KCNK13: variants seen among roughly 807,000 people sequenced by gnomAD.
KCNK13 encodes the protein potassium channel subfamily K member 13.
In KCNK13, 12 loss-of-function variants were observed where a neutral mutation model predicts 23.4. The ratio of observed to expected loss-of-function variants is 0.51; its 90% CI spans 0.33 to 0.83. The LOEUF (loss-of-function observed/expected upper bound fraction) is 0.83, where lower values mean the gene tolerates loss of function less well. Among genes scored for constraint, KCNK13 ranks in the 40% least tolerant of loss-of-function variants. KCNK13 has a pLI of 0.02. For missense variants in KCNK13, 463 were observed against 556.3 expected, an observed-to-expected ratio of 0.83 and a Z score of 1.69; for synonymous variants, 231 against 229.5, an observed-to-expected ratio of 1.01 and a Z score of -0.06.
chr14:90,109,515 TCTC>T (rs2140411490), intron 1 of KCNK13, among the ~76,000 whole-genome samples: 1 of 148,796 alleles, frequency 6.7e-6, no homozygotes, highest in South Asian at 2.2e-4. Flanking sequence ...TTCACGCCAT[TCTC>T]CTGCCTCAGC....
intron 1 of KCNK13, among the ~76,000 whole-genome samples, chr14:90,112,844 G>C (rs1277711629): frequency 6.7e-6 from 1 of 150,044 alleles, no homozygotes; most frequent in East Asian, 1.9e-4. Flanking sequence ...CATTCATATA[G>C]ACAAAAAGTA....
At chr14:90,176,227 T>G (rs780227499) in intron 1 of KCNK13, among the ~76,000 whole-genome samples, 1 of 152,162 alleles carries the variant, frequency 6.6e-6, no homozygotes, top group Non-Finnish European at 1.5e-5. Flanking sequence ...CTCCACAACC[T>G]GTGAAGATTG....
At chr14:90,107,448 G>A (rs779296454) in intron 1 of KCNK13, among the ~76,000 whole-genome samples, 8 of 152,234 alleles carry the variant, frequency 5.3e-5, no homozygotes, top group Admixed American at 1.3e-4. Context: ...ACTGCCCTTC[G>A]GCCTGGGCGA....
chr14:90,078,850 A>T (rs1889174406), intron 1 of KCNK13, among the ~76,000 whole-genome samples: 1 of 152,232 alleles, frequency 6.6e-6, no homozygotes, highest in African/African-American at 2.4e-5. Context: ...CAACAATCCT[A>T]TGAGTTAGAG....
chr14:90,148,658 C>T (rs950201994), intron 1 of KCNK13, among the ~76,000 whole-genome samples: 1 of 152,190 alleles, frequency 6.6e-6, no homozygotes, highest in Admixed American at 6.5e-5. Flanking sequence ...TGGGAGGGAT[C>T]AGAAGGTGGC....
chr14:90,113,127 C>T (rs538989722), intron 1 of KCNK13, among the ~76,000 whole-genome samples: 19 of 151,922 alleles, frequency 1.3e-4, no homozygotes, highest in Non-Finnish European at 2.4e-4. Flanking sequence ...ATTGCCCAGG[C>T]GAGGCTTGTC....
intron 1 of KCNK13, among the ~76,000 whole-genome samples, chr14:90,085,863 A>G (rs1857086377): frequency 7.0e-6 from 1 of 142,724 alleles, no homozygotes; most frequent in East Asian, 2.0e-4. Flanking sequence ...TATATAATAT[A>G]TAAATTTATA....
intron 1 of KCNK13, among the ~76,000 whole-genome samples, chr14:90,085,871 A>G (rs1021637126): frequency 3.5e-5 from 5 of 143,630 alleles, no homozygotes; most frequent in Admixed American, 2.9e-4. Flanking sequence ...ATATAAATTT[A>G]TATCTATCTA....
At chr14:90,177,222 G>C (rs1320678506) in intron 1 of KCNK13, 1 of 152,078 alleles carries the variant, frequency 6.6e-6, no homozygotes, top group Non-Finnish European at 1.5e-5. Context: ...TAATGAAAGA[G>C]GCTGGTCTGA....
At chr14:90,145,095 C>T (rs1277964888) in intron 1 of KCNK13, among the ~76,000 whole-genome samples, 3 of 152,016 alleles carry the variant, frequency 2.0e-5, no homozygotes, top group Non-Finnish European at 4.4e-5. Flanking sequence ...TGGTAAATTA[C>T]ATTGATTTTC....
In KCNK13 at chr14:90,120,504, G is replaced by A. The variant is rs188486106; in HGVS notation, c.334+57965G>A. On this transcript the variant is annotated intron_variant, in intron 1 of 1. Transcript: ENST00000282146. ...TCATGGTGGAAGGGGAAGCAAACAC[G>A]TCCTTCTTCACATGGTGGCAGGACA... Among the ~76,000 whole-genome samples, 185 of 152,278 alleles carry A rather than the reference G, an allele frequency of 1.2e-3. 1 individual carries two copies. The South Asian group carries it at 0.014, about 11-fold the overall frequency.
chr14:90,170,903 A>G (rs1427220034), intron 1 of KCNK13, among the ~76,000 whole-genome samples: 3 of 152,168 alleles, frequency 2.0e-5, no homozygotes, highest in African/African-American at 7.2e-5. Flanking sequence ...AAATTTTAAC[A>G]GCTCACTAGG....
At chr14:90,103,310 T>C (rs1350149613) in intron 1 of KCNK13, among the ~76,000 whole-genome samples, 1 of 152,186 alleles carries the variant, frequency 6.6e-6, no homozygotes, top group Non-Finnish European at 1.5e-5. Context: ...AGGAATAGGA[T>C]TTCTGGATCA....
chr14:90,093,942 G>A (rs1350117711), intron 1 of KCNK13, among the ~76,000 whole-genome samples: 4 of 152,160 alleles, frequency 2.6e-5, no homozygotes, highest in South Asian at 2.1e-4. Flanking sequence ...TTGCCATATT[G>A]GGATTTGTTT....
At chr14:90,068,990 C>T (rs1036532799) in intron 1 of KCNK13, among the ~76,000 whole-genome samples, 36 of 150,994 alleles carry the variant, frequency 2.4e-4, no homozygotes, top group African/African-American at 6.8e-4. Context: ...GGCTCAGCCT[C>T]GCCTCGTATG....
chr14:90,184,725 G>A lies in KCNK13; in HGVS notation c.949G>A (p.Gly317Ser). 1 of 1,614,184 alleles carries A rather than the reference G, an allele frequency of 6.2e-7. No individual in the cohort carries two copies. The highest frequency in any genetic ancestry group is 1.3e-5 in the African/African-American group (1 of 75,070). Residue 317 changes from glycine to serine, a missense_variant, in exon 2 of 2, where the codon GGC becomes AGC. By Grantham distance (56) the Gly-to-Ser change is moderately conservative. This residue lies in a region of KCNK13 where 166 missense variants were observed against 178.8 expected (regional missense o/e 0.93). Transcript: ENST00000282146. This position sits in a 1 kb window ranked among gnomAD's most constrained non-coding sequence, Gnocchi z 5.6. ...LRSRRNVVMP[G>S]SVRNRCNISI... ...ATCACGCAGGAACGTGGTGATGCCA[G>A]GCAGCGTCCGGAACCGCTGCAACAT...
At chr14:90,088,265 A>C (rs1889303931) in intron 1 of KCNK13, among the ~76,000 whole-genome samples, 1 of 152,154 alleles carries the variant, frequency 6.6e-6, no homozygotes, top group African/African-American at 2.4e-5. Context: ...CCTTGGACCA[A>C]AGGCAACATG....
At position 90,070,370 on chromosome 14, in the gene KCNK13, ATACT is replaced by A. The variant is rs1270849818; in HGVS notation, c.334+7835_334+7838del. Among the ~76,000 whole-genome samples the A allele has an allele frequency of 5.9e-5, 9 of 152,364 alleles. No individual in the cohort carries two copies. In the East Asian group the frequency reaches 1.7e-3, roughly 29 times the overall value. On this transcript the variant is annotated intron_variant, in intron 1 of 1. Transcript: ENST00000282146. ...ATTGATTCAAAATGTTGATTAAAAA[ATACT>A]TACAGTTCATCTTCTCTGAATCAAC... is the stretch of plus-strand genomic sequence containing the variant.
At position 90,138,652 on chromosome 14, in the gene KCNK13, C is replaced by T. The variant is rs1290662353; in HGVS notation, c.335-45459C>T. On this transcript the variant is annotated intron_variant, in intron 1 of 1. Transcript: ENST00000282146. ...TAAAAATCCATTCAATGGGGCTTGA[C>T]ATAGGATCTCTGAGATCTCAAAAAT... is the stretch of plus-strand genomic sequence containing the variant. 2.0e-5 allele frequency among the ~76,000 whole-genome samples: 3 copies of T among 152,222 alleles called. No homozygotes were observed. In the South Asian group the frequency reaches 6.2e-4, roughly 31 times the overall value.
Sources: gnomAD v4.1 joint callset for allele counts (sites outside exome capture counted in the v4.1 genomes callset) on GRCh38, gnomAD v4.1.1 for gene constraint, gnomAD v4.1.1 regional missense constraint, Gnocchi (gnomAD v3.1) non-coding constraint, MANE v1.5 for transcripts, NCBI Gene and HGNC (gene_info 2026-07-23, HGNC 2026-07-21) for gene names.